ARB2A: variants seen among roughly 807,000 people sequenced by gnomAD.
The protein encoded by ARB2A is cotranscriptional regulator ARB2A.
chr5:93,774,315 A>T, the ARB2A span, among the ~76,000 whole-genome samples: 3 of 152,238 alleles, frequency 2.0e-5, no homozygotes, highest in African/African-American at 4.8e-5. Flanking sequence ...GAAGAGTTGC[A>T]TATCTCTCAC....
chr5:93,793,637 T>C, the ARB2A span, among the ~76,000 whole-genome samples: 1 of 152,038 alleles, frequency 6.6e-6, no homozygotes, highest in East Asian at 1.9e-4. Flanking sequence ...GGGAAGGTAA[T>C]GGTTAGGAAG....
the ARB2A span, among the ~76,000 whole-genome samples, chr5:93,881,057 T>A: frequency 6.6e-6 from 1 of 151,682 alleles, no homozygotes; most frequent in African/African-American, 2.4e-5. Flanking sequence ...GTGATATGTC[T>A]TAGAATTGTG....
chr5:93,622,598 C>A, the ARB2A span, among the ~76,000 whole-genome samples: 3 of 152,308 alleles, frequency 2.0e-5, no homozygotes, highest in East Asian at 5.8e-4. Context: ...CTCTCTTTAT[C>A]AGTGCCCTCC....
the ARB2A span, among the ~76,000 whole-genome samples, chr5:93,646,462 A>G: frequency 1.3e-5 from 2 of 152,142 alleles, no homozygotes; most frequent in Non-Finnish European, 2.9e-5. Context: ...CACACACAAT[A>G]TAAGTGGATA....
the ARB2A span, among the ~76,000 whole-genome samples, chr5:93,631,492 T>C: frequency 6.6e-6 from 1 of 152,158 alleles, no homozygotes; most frequent in Non-Finnish European, 1.5e-5. Flanking sequence ...CCCTTTGTCA[T>C]TTTCAAAAGT....
the ARB2A span, chr5:93,739,263 A>C: frequency 6.6e-6 from 1 of 152,124 alleles, no homozygotes; most frequent in African/African-American, 2.4e-5. Flanking sequence ...AGAAAGAAAG[A>C]AACTAAGTAC....
chr5:93,643,493 A>T, the ARB2A span, among the ~76,000 whole-genome samples: 1 of 152,198 alleles, frequency 6.6e-6, no homozygotes, highest in African/African-American at 2.4e-5. Flanking sequence ...AAGACTTTTT[A>T]TTTATTTATT....
chr5:93,878,601 A>G, the ARB2A span, among the ~76,000 whole-genome samples: 1 of 152,148 alleles, frequency 6.6e-6, no homozygotes, highest in Non-Finnish European at 1.5e-5. Flanking sequence ...GATCAGTATT[A>G]GTCATACTAT....
At chr5:94,030,030 C>G in the ARB2A span, among the ~76,000 whole-genome samples, 1 of 152,130 alleles carries the variant, frequency 6.6e-6, no homozygotes, top group African/African-American at 2.4e-5. Flanking sequence ...CTTTATAAAA[C>G]CATCAGATCC....
the ARB2A span, chr5:93,735,428 CCT>C: frequency 1.3e-5 from 2 of 152,192 alleles, no homozygotes; most frequent in Non-Finnish European, 2.9e-5. Context: ...GGAGCTGTTC[CCT>C]GAGATTGAGA....
the ARB2A span, among the ~76,000 whole-genome samples, chr5:93,855,642 A>C: frequency 6.6e-6 from 1 of 152,098 alleles, no homozygotes; most frequent in Non-Finnish European, 1.5e-5. Flanking sequence ...GAGCTCTTTT[A>C]GGGCAGGCCT....
At chr5:93,990,528 C>G in the ARB2A span, among the ~76,000 whole-genome samples, 1 of 139,434 alleles carries the variant, frequency 7.2e-6, no homozygotes, top group Non-Finnish European at 1.5e-5. Context: ...GATAGGCTAT[C>G]TTAAGTAAAA....
At chr5:93,874,815 A>C in the ARB2A span, among the ~76,000 whole-genome samples, 1 of 152,130 alleles carries the variant, frequency 6.6e-6, no homozygotes, top group Non-Finnish European at 1.5e-5. Flanking sequence ...GAAATTGCAG[A>C]ATTGGTTGGC....
At chr5:93,854,406 G>C in the ARB2A span, among the ~76,000 whole-genome samples, 1 of 152,166 alleles carries the variant, frequency 6.6e-6, no homozygotes, top group East Asian at 1.9e-4. Context: ...CAAAAAACCA[G>C]CTCCTAGATT....
chr5:93,683,242 A>G, the ARB2A span: 1 of 1,460,456 alleles, frequency 6.8e-7, no homozygotes, highest in East Asian at 2.3e-5. Context: ...CTTCATCAGC[A>G]GCAAGTTTTA....
At chr5:93,888,350 A>C in the ARB2A span, among the ~76,000 whole-genome samples, 1 of 151,884 alleles carries the variant, frequency 6.6e-6, no homozygotes, top group South Asian at 2.1e-4. Context: ...TTAAACTAAA[A>C]AGAAGTAACA....
At chr5:93,630,580 C>T in the ARB2A span, among the ~76,000 whole-genome samples, 1 of 152,130 alleles carries the variant, frequency 6.6e-6, no homozygotes, top group Non-Finnish European at 1.5e-5. Context: ...CCAAGTAACT[C>T]TCATCTGGCG....
the ARB2A span, among the ~76,000 whole-genome samples, chr5:93,637,412 C>T: frequency 2.4e-5 from 3 of 122,598 alleles, no homozygotes; most frequent in African/African-American, 9.1e-5. Flanking sequence ...CATTCATGTA[C>T]AGGTTTTTGT....
At chr5:94,024,750 G>C in the ARB2A span, among the ~76,000 whole-genome samples, 1 of 152,192 alleles carries the variant, frequency 6.6e-6, no homozygotes, top group Admixed American at 6.5e-5. Flanking sequence ...ATCTAAGCTT[G>C]AAAGATGAAT....
Sources: allele counts gnomAD v4.1 joint callset (sites outside exome capture counted in the v4.1 genomes callset), GRCh38; gene constraint gnomAD v4.1.1; transcripts MANE v1.5; gene names NCBI Gene and HGNC (gene_info 2026-07-23, HGNC 2026-07-21).